The following ADH7 variants were observed in gnomAD, a reference collection of about 807,000 sequenced individuals.
ADH7 encodes the protein all-trans-retinol dehydrogenase [NAD(+)] ADH7.
A neutral mutation model predicts 34.4 loss-of-function variants in ADH7; 41 were observed. That is an observed-to-expected ratio of 1.19 (90% CI 0.93 to 1.55). The LOEUF is 1.55. ADH7 is among the 40% of genes most tolerant of loss of function. The pLI is 0.00. For missense variants in ADH7, 540 were observed against 461.2 expected (o/e 1.17, Z -1.56); for synonymous variants, 180 against 160.9 (o/e 1.12, Z -0.90).
chr4:99,415,402 A>G, intron 8 of ADH7, 76 bp downstream of exon 8: 3 of 1,414,918 alleles, frequency 2.1e-6, no homozygotes, highest in Non-Finnish European at 9.8e-7. Context: ...TATGAAGAAA[A>G]CAGGCACATT....
At chr4:99,435,158 A>C in intron 1 of ADH7, 58 bp downstream of exon 1, 1 of 1,594,746 alleles carries the variant, frequency 6.3e-7, no homozygotes, top group Non-Finnish European at 8.6e-7. Flanking sequence ...CAAAGTTCTA[A>C]GTATCAGCCT....
chr4:99,423,884 T>G (rs1470195392), intron 5 of ADH7, among the ~76,000 whole-genome samples: 5 of 152,122 alleles, frequency 3.3e-5, no homozygotes, highest in Non-Finnish European at 5.9e-5. Context: ...TTAGTTTAAT[T>G]AGATCCCATT....
At chr4:99,430,859 G>A (rs950776971) in intron 1 of ADH7, among the ~76,000 whole-genome samples, 3 of 151,868 alleles carry the variant, frequency 2.0e-5, no homozygotes, top group Non-Finnish European at 2.9e-5. Flanking sequence ...GTGTAGTGGC[G>A]CAATCTGGGC....
In ADH7 at chr4:99,420,620, A is replaced by G. The variant is rs752684413; in HGVS notation, c.738T>C (p.Ser246=). The G allele has an allele frequency of 1.9e-6, 3 of 1,613,956 alleles. No homozygotes were observed. In the Admixed American group the frequency reaches 5.0e-5, roughly 27 times the overall value. ...GATECISPKD[S]TKPISEVLSE... ...ACAGCACCTCACTGATGGGTTTGGT[A>G]GAGTCCTTGGGACTGATACACTCAG... Residue 246 remains serine, a synonymous_variant, in exon 6 of 9, where the codon TCT becomes TCC. Transcript: ENST00000437033.
rs1579574055 is a variant in ADH7, at chr4:99,420,644, A to G, written c.714T>C (p.Thr238=). The G allele has an allele frequency of 6.2e-7, 1 of 1,613,936 alleles. No homozygotes were observed. Among genetic ancestry groups the G allele is most frequent in the Non-Finnish European group, 8.5e-7 (1 of 1,179,936 alleles). ...KFEKAMAVGA[T]ECISPKDSTK... is the part of the protein sequence containing the mutation. ...TAGAGTCCTTGGGACTGATACACTC[A>G]GTGGCACCTACAGCCATGGCCTTCT... The change falls in exon 6 of 9, where the codon ACT becomes ACC. Residue 238 remains threonine (T), a synonymous_variant. Transcript: ENST00000437033.
intron 8 of ADH7, among the ~76,000 whole-genome samples, chr4:99,414,643 A>AC (rs1185939264): frequency 2.6e-5 from 4 of 152,246 alleles, no homozygotes; most frequent in African/African-American, 7.2e-5. Context: ...TCAAAAGAGC[A>AC]CAAGTTTTGC....
Position 99,427,795 on chromosome 4 carries a change from C to T in ADH7, c.542G>A (p.Gly181Asp). The T allele has an allele frequency of 6.3e-7, 1 of 1,589,614 alleles. No individual in the cohort carries two copies. ...LIGCGFSTGY[G>D]AAVKTGKVKP... ...TACCTTGCCAGTTTTAACAGCAGCG[C>T]CATATCCAGTGGAAAACCCACAGCC... The change falls in exon 5 of 9, where the codon GGC becomes GAC. Residue 181 changes from glycine (G) to aspartate (D), a missense_variant. Physicochemically the swap from Gly to Asp is moderately conservative, Grantham distance 94. Coordinates refer to ENST00000437033, the MANE Select transcript of ADH7 (RefSeq NM_000673.7).
At chr4:99,421,572 A>T (rs970494256) in intron 5 of ADH7, among the ~76,000 whole-genome samples, 8 of 152,222 alleles carry the variant, frequency 5.3e-5, no homozygotes, top group African/African-American at 1.9e-4. Context: ...AGGCAATACC[A>T]TTCAGAACTT....
Position 99,419,043 on chromosome 4 carries a change from T to C in ADH7, c.904A>G (p.Thr302Ala). The stretch of plus-strand genomic sequence containing the variant: ...GTGAAGAGCAACATCGGGTCATAGG[T>C]GAGCATCTTGGCTGATGGAGGAACT... ...VGVPPSAKML[T>A]YDPMLLFTGR... is the part of the protein sequence containing the mutation. The change falls in exon 7 of 9, where the codon ACC becomes GCC. Residue 302 changes from threonine (T) to alanine (A), a missense_variant. Transcript: ENST00000437033. 6 of 1,613,856 alleles carry C rather than the reference T, an allele frequency of 3.7e-6. No homozygotes were observed. The highest frequency in any genetic ancestry group is 5.1e-6 in the Non-Finnish European group (6 of 1,179,872).
chr4:99,428,324 G>T (rs1044152303), intron 3 of ADH7, 150 bp from the exon 4 acceptor site: 2 of 1,245,402 alleles, frequency 1.6e-6, no homozygotes, highest in Non-Finnish European at 2.2e-6. Flanking sequence ...TCTAAAGGTT[G>T]AGGTTTTGCC....
chr4:99,426,354 G>A (rs1467981223), intron 5 of ADH7, among the ~76,000 whole-genome samples: 1 of 152,060 alleles, frequency 6.6e-6, no homozygotes, highest in African/African-American at 2.4e-5. Context: ...TCAAATAGAT[G>A]CAATAAAAAA....
rs758075740 is a variant in ADH7 at position 99,429,497 on chromosome 4, G to A, written c.120+35C>T. On this transcript the variant is annotated intron_variant, in intron 2 of 8. Transcript: ENST00000437033. ...CTATATTCAATATAAGTTTGATAAC[G>A]CTTTTGGCTTAAGTTCTCTAGGGCT... 48 of 1,495,708 alleles carry A rather than the reference G, an allele frequency of 3.2e-5. No homozygotes were observed. In the Admixed American group the frequency reaches 6.0e-4, roughly 19 times the overall value. The allele number at this position is 1,495,708 out of a possible 1,614,324, so 92.7% of individuals were successfully genotyped here. A position where few individuals can be genotyped will look rare whatever the true frequency, so the allele number is the denominator to read the frequency against.
chr4:99,429,531 C>G lies in ADH7; in HGVS notation c.120+1G>C. 4.4e-6 allele frequency: 7 copies of G among 1,608,704 alleles called. No individual in the cohort carries two copies. The highest frequency in any genetic ancestry group is 4.2e-6 in the Non-Finnish European group (5 of 1,176,662). On this transcript the variant is annotated splice_donor_variant, in intron 2 of 8. Coordinates refer to ENST00000437033, the MANE Select transcript of ADH7 (RefSeq NM_000673.7). LOFTEE classifies it high-confidence loss of function. ...TTAAGTTCTCTAGGGCTCACGCTTACCTTAATGCGAACTTCTTTAGTCTTT... is the reference window on the plus strand; with the variant it reads ...TTAAGTTCTCTAGGGCTCACGCTTAGCTTAATGCGAACTTCTTTAGTCTTT...
chr4:99,426,200 A>C (rs1178923768), intron 5 of ADH7, among the ~76,000 whole-genome samples: 2 of 152,218 alleles, frequency 1.3e-5, no homozygotes, highest in East Asian at 1.9e-4. Context: ...GGCAAGAAAT[A>C]ACTAAAATCA....
intron 5 of ADH7, among the ~76,000 whole-genome samples, chr4:99,425,810 T>G (rs901468366): frequency 2.6e-5 from 4 of 152,050 alleles, no homozygotes; most frequent in African/African-American, 9.7e-5. Context: ...TAGTTGGAAG[T>G]AAAGCTCTCC....
At chr4:99,433,637 C>A (rs1450227956) in intron 1 of ADH7, among the ~76,000 whole-genome samples, 1 of 152,088 alleles carries the variant, frequency 6.6e-6, no homozygotes, top group Non-Finnish European at 1.5e-5. Context: ...AGGGTGGAAC[C>A]TGATCCAATA....
intron 5 of ADH7, among the ~76,000 whole-genome samples, chr4:99,422,530 T>G (rs1404168819): frequency 6.8e-6 from 1 of 147,440 alleles, no homozygotes; most frequent in Admixed American, 6.8e-5. Flanking sequence ...GGAGGGAACC[T>G]GGAGGACGAG....
At chr4:99,417,185 A>G (rs1154454) in intron 7 of ADH7, among the ~76,000 whole-genome samples, 32,872 of 151,876 alleles carry the variant, frequency 0.22, 4,793 homozygotes, top group African/African-American at 0.41. Context: ...TGGAAGTCAG[A>G]TCAGGTGACA....
At position 99,420,582 on chromosome 4, in the gene ADH7, C is replaced by T. The variant is rs143235779; in HGVS notation, c.776G>A (p.Gly259Asp). 84 of 1,613,808 alleles carry T rather than the reference C, an allele frequency of 5.2e-5. No individual in the cohort carries two copies. Among genetic ancestry groups the T allele is most frequent in the African/African-American group, 2.5e-4 (19 of 74,884 alleles). The change falls in exon 6 of 9, where the codon GGC becomes GAC. Residue 259 changes from glycine (G) to aspartate (D), a missense_variant. Coordinates refer to ENST00000437033, the MANE Select transcript of ADH7 (RefSeq NM_000673.7). The stretch of plus-strand genomic sequence containing the variant: ...TTCAAAGGTGTATCCCACGTTGTTG[C>T]CTGTCATTTCTGACAGCACCTCACT... Reference protein sequence around the residue: ...PISEVLSEMTGNNVGYTFEVI... With the variant: ...PISEVLSEMTDNNVGYTFEVI...
Sources: gnomAD v4.1 joint callset for allele counts (sites outside exome capture counted in the v4.1 genomes callset) on GRCh38, gnomAD v4.1.1 for gene constraint, MANE v1.5 for transcripts, NCBI Gene and HGNC (gene_info 2026-07-23, HGNC 2026-07-21) for gene names.